The following STX4 variants were observed in gnomAD, a reference collection of about 807,000 sequenced individuals.
STX4 encodes syntaxin-4.
Under a neutral mutation model 41.8 loss-of-function variants are expected in STX4, and 24 were observed. That is an observed-to-expected ratio of 0.57 (90% confidence interval 0.42 to 0.81). STX4 has a LOEUF of 0.81. Among genes scored for constraint, STX4 ranks in the 30% least tolerant of loss-of-function variants. The pLI, the probability that STX4 is intolerant of heterozygous loss-of-function variation, is 0.00. For missense variants in STX4, 316 were observed against 389.9 expected, an observed-to-expected ratio of 0.81 and a Z score of 1.60; for synonymous variants, 158 against 156.4, an observed-to-expected ratio of 1.01 and a Z score of -0.08.
Position 31,039,725 on chromosome 16 carries a change from G to GA in STX4, c.819dup (p.Val274SerfsTer?), listed in dbSNP as rs1596739863. On this transcript the variant is annotated frameshift_variant, in exon 10 of 11. Transcript: ENST00000313843. LOFTEE classifies it high-confidence loss of function. This position sits in a 1 kb window ranked among gnomAD's most constrained non-coding sequence, Gnocchi z 4.1. ...CCTGACCCCCTCCTCTCCCACAGAA[G>GA]AAAGTCTTGATTGCCATCTGTGTGT... 6.2e-7 allele frequency: 1 copy of GA among 1,614,226 alleles called. No individual in the cohort carries two copies. The highest frequency in any genetic ancestry group is 8.5e-7 in the Non-Finnish European group (1 of 1,180,038).
chr16:31,038,311 A>G (rs2143726430), intron 7 of STX4, 121 bp downstream of exon 7: 2 of 1,398,936 alleles, frequency 1.4e-6, no homozygotes, highest in East Asian at 2.4e-5. Flanking sequence ...AGCTGGGACT[A>G]TAGGTGCAAG....
intron 3 of STX4, 64 bp downstream of exon 3, chr16:31,034,389 A>G: frequency 3.1e-6 from 5 of 1,609,648 alleles, no homozygotes; most frequent in Non-Finnish European, 4.2e-6. Flanking sequence ...TTGTAGTTCC[A>G]CGCAGGTGGT....
intron 2 of STX4, 22 bp downstream of exon 2, chr16:31,034,136 C>T (rs1354800481): frequency 8.1e-6 from 13 of 1,608,342 alleles, no homozygotes; most frequent in Non-Finnish European, 9.4e-6. Flanking sequence ...GGGTCTCCGC[C>T]TGGATTCGCG....
chr16:31,037,076 T>C (rs1489387867), intron 5 of STX4, among the ~76,000 whole-genome samples: 2 of 144,304 alleles, frequency 1.4e-5, no homozygotes, highest in East Asian at 2.3e-4. Context: ...TTTTTTTTTT[T>C]CCTTTGAGAC....
At chr16:31,033,408 A>T (rs1194513135), upstream of STX4, 5 of 1,370,232 alleles carry the variant, frequency 3.6e-6, no homozygotes, top group Non-Finnish European at 1.0e-6. This position sits in a 1 kb window ranked among gnomAD's most constrained non-coding sequence, Gnocchi z 5.5. Context: ...TGGAAGATGC[A>T]ACGGTTCCGG....
At chr16:31,037,813 G>A (rs968325148) in intron 5 of STX4, 113 bp from the exon 6 acceptor site, 1 of 1,015,502 alleles carries the variant, frequency 9.8e-7, no homozygotes, top group Non-Finnish European at 1.5e-6. Flanking sequence ...GGTTAAGGTG[G>A]CAGATCCCGC....
In STX4 at chr16:31,038,524, G is replaced by A. The variant is rs755593625; in HGVS notation, c.579G>A (p.Thr193=). The change falls in exon 8 of 11, where the codon ACG becomes ACA. Residue 193 remains threonine (T), a synonymous_variant. Transcript: ENST00000313843. ...EVFVSNILKD[T]QVTRQALNEI... ...CCACCCCCCAGATCCTGAAGGACAC[G>A]CAGGTGACTCGACAGGCCTTAAATG... is the stretch of plus-strand genomic sequence containing the variant. The A allele has an allele frequency of 5.6e-6, 9 of 1,613,982 alleles. No individual in the cohort carries two copies. Among genetic ancestry groups the A allele is most frequent in the Admixed American group, 3.3e-5 (2 of 59,984 alleles).
intron 7 of STX4, 99 bp downstream of exon 7, chr16:31,038,289 A>C (rs1051137085): frequency 6.7e-7 from 1 of 1,486,576 alleles, no homozygotes; most frequent in Admixed American, 1.9e-5. Context: ...CTCCTGCCTC[A>C]GCCTCCCGAG....
upstream of STX4, chr16:31,033,158 T>G: frequency 1.8e-6 from 1 of 555,902 alleles, no homozygotes; most frequent in Non-Finnish European, 3.6e-6. The surrounding 1 kb of genome is among the most constrained non-coding windows in gnomAD (Gnocchi z 5.5). Context: ...GCGGGGGCCG[T>G]GTGGGCGTCG....
rs1471435690 is a variant in STX4, at chr16:31,039,129, G to A, written c.703-412G>A. 4.2e-6 allele frequency: 1 copy of A among 240,112 alleles called. No homozygotes were observed. The highest frequency in any genetic ancestry group is 1.0e-4 in the East Asian group (1 of 9,758). 14.9% of individuals were successfully genotyped at this position (240,112 alleles called of 1,614,324 possible). A position where few individuals can be genotyped will look rare whatever the true frequency, so the allele number is the denominator to read the frequency against. ...TTGCAGCTGAGACTTACAGGAAAGAGATCTCATTCAGTAGGAGTACTGAGA... is the reference window on the plus strand; with the variant it reads ...TTGCAGCTGAGACTTACAGGAAAGAAATCTCATTCAGTAGGAGTACTGAGA... On this transcript the variant is annotated intron_variant, in intron 8 of 10. Coordinates refer to ENST00000313843, the MANE Select transcript of STX4 (RefSeq NM_004604.5). This position sits in a 1 kb window ranked among gnomAD's most constrained non-coding sequence, Gnocchi z 4.1.
chr16:31,038,269 T>C lies in STX4; in HGVS notation c.564+79T>C, dbSNP rs1216166239. The C allele has an allele frequency of 9.0e-6, 14 of 1,561,112 alleles. No homozygotes were observed. In the East Asian group the frequency reaches 2.5e-4, roughly 28 times the overall value. On this transcript the variant is annotated intron_variant, in intron 7 of 10. Coordinates refer to ENST00000313843, the MANE Select transcript of STX4 (RefSeq NM_004604.5). ...CTGTCCGTTTCTCGACCTCCTGGGCTCAGGTGATCCTCCTGCCTCAGCCTC... is the reference window on the plus strand; with the variant it reads ...CTGTCCGTTTCTCGACCTCCTGGGCCCAGGTGATCCTCCTGCCTCAGCCTC...
intron 8 of STX4, 75 bp downstream of exon 8, chr16:31,038,722 C>A (rs2056822424): frequency 6.4e-7 from 1 of 1,563,892 alleles, no homozygotes; most frequent in Non-Finnish European, 8.7e-7. Flanking sequence ...CCCTTAGATT[C>A]TCTCCCTGAG....
chr16:31,035,129 G>A (rs2056790662), intron 5 of STX4, 89 bp downstream of exon 5: 3 of 1,004,472 alleles, frequency 3.0e-6, no homozygotes, highest in African/African-American at 3.4e-5. Context: ...GGCCTGCAGA[G>A]ATCATGGAGT....
In STX4 at chr16:31,038,523, C is replaced by T. The variant is rs150948517; in HGVS notation, c.578C>T (p.Thr193Met). ...TCCACCCCCCAGATCCTGAAGGACA[C>T]GCAGGTGACTCGACAGGCCTTAAAT... ...EVFVSNILKD[T>M]QVTRQALNEI... The change falls in exon 8 of 11, where the codon ACG (threonine) becomes ATG (methionine). Residue 193 changes from threonine (T) to methionine (M), a missense_variant. Thr to Met is a moderately conservative substitution (Grantham distance 81). Coordinates refer to ENST00000313843, the MANE Select transcript of STX4 (RefSeq NM_004604.5). 16 of 1,614,150 alleles carry T rather than the reference C, an allele frequency of 9.9e-6. No individual in the cohort carries two copies. Among genetic ancestry groups the T allele is most frequent in the Admixed American group, 1.7e-5 (1 of 60,018 alleles).
Position 31,039,472 on chromosome 16 carries a change from C to T in STX4, c.703-69C>T, listed in dbSNP as rs1273266338. On this transcript the variant is annotated intron_variant, in intron 8 of 10. Transcript: ENST00000313843. This position sits in a 1 kb window ranked among gnomAD's most constrained non-coding sequence, Gnocchi z 4.1. The stretch of plus-strand genomic sequence containing the variant: ...ATTTTTTTTTCCTGCCAGGAATGTT[C>T]TTCAGTCATCTGGGGTGGGGTGGGC... 5 of 1,507,456 alleles carry T rather than the reference C, an allele frequency of 3.3e-6. No homozygotes were observed. The African/African-American group carries it at 6.9e-5, about 21-fold the overall frequency. The allele number at this position is 1,507,456 out of a possible 1,614,324, so 93.4% of individuals were successfully genotyped here. A position where few individuals can be genotyped will look rare whatever the true frequency, so the allele number is the denominator to read the frequency against.
chr16:31,038,666 C>G lies in STX4; in HGVS notation c.702+19C>G, dbSNP rs1178824677. ...GATGCAGGTGGGTGCCCCGCGCAGC[C>G]CCAGACGTGAGACCAGGCTCAGTCC... On this transcript the variant is annotated intron_variant, in intron 8 of 10. Transcript: ENST00000313843. The G allele has an allele frequency of 6.2e-7, 1 of 1,612,120 alleles. No individual in the cohort carries two copies. Among genetic ancestry groups the G allele is most frequent in the Non-Finnish European group, 8.5e-7 (1 of 1,179,158 alleles).
rs764353518 is a variant in STX4, at chr16:31,039,753, A to G, written c.844A>G (p.Ile282Val). The G allele has an allele frequency of 9.9e-6, 16 of 1,614,184 alleles. No individual in the cohort carries two copies. The East Asian group carries it at 3.6e-4, about 36-fold the overall frequency. ...AGTCTTGATTGCCATCTGTGTGTCC[A>G]TCACCGTCGTCCTCCTAGCAGTCAT... ...KKVLIAICVSITVVLLAVIIG... is the reference protein window; with the variant it reads ...KKVLIAICVSVTVVLLAVIIG... The change falls in exon 10 of 11, where the codon ATC (isoleucine) becomes GTC (valine). Residue 282 changes from isoleucine (I) to valine (V), a missense_variant. Physicochemically the swap from Ile to Val is conservative, Grantham distance 29. Transcript: ENST00000313843. This position sits in a 1 kb window ranked among gnomAD's most constrained non-coding sequence, Gnocchi z 4.1.
At position 31,034,627 on chromosome 16, in the gene STX4, G is replaced by GAT. The variant is rs1388538119; in HGVS notation, c.307+96_307+97dup. The GAT allele has an allele frequency of 2.2e-6, 3 of 1,386,362 alleles. No individual in the cohort carries two copies. In the East Asian group the frequency reaches 7.6e-5, roughly 35 times the overall value. The allele number at this position is 1,386,362 out of a possible 1,614,324, so 85.9% of individuals were successfully genotyped here. On this transcript the variant is annotated intron_variant, in intron 4 of 10. Coordinates refer to ENST00000313843, the MANE Select transcript of STX4 (RefSeq NM_004604.5). ...GAGTGTGTGGCCCAGAGAAGCCAGT[G>GAT]ATATATCCAGGTCACACAGCAGGCC...
chr16:31,038,150 A>G lies in STX4; in HGVS notation c.524A>G (p.Gln175Arg). 6.2e-7 allele frequency: 1 copy of G among 1,614,122 alleles called. No individual in the cohort carries two copies. The highest frequency in any genetic ancestry group is 2.2e-5 in the East Asian group (1 of 44,878). The change falls in exon 7 of 11, where the codon CAG becomes CGG. Residue 175 changes from glutamine to arginine, a missense_variant. Physicochemically the swap from Gln to Arg is conservative, Grantham distance 43 (BLOSUM62 1). Transcript: ENST00000313843. ...AGMVSDEELE[Q>R]MLDSGQSEVF... ...ATGGTGTCTGATGAGGAGTTGGAGC[A>G]GATGCTGGACAGTGGGCAAAGCGAG...
Sources: gnomAD v4.1 joint callset for allele counts (sites outside exome capture counted in the v4.1 genomes callset) on GRCh38, gnomAD v4.1.1 for gene constraint, Gnocchi (gnomAD v3.1) non-coding constraint, MANE v1.5 for transcripts, NCBI Gene and HGNC (gene_info 2026-07-23, HGNC 2026-07-21) for gene names.